Variants in DRC8 observed in about 807,000 individuals in gnomAD.
DRC8 encodes the protein dynein regulatory complex subunit 8, also known as dynein regulatory complex protein 8.
the DRC8 span, among the ~76,000 whole-genome samples, chr1:245,028,610 A>G: frequency 6.6e-6 from 1 of 152,192 alleles, no homozygotes; most frequent in East Asian, 1.9e-4. Flanking sequence ...GAGTTTGTTA[A>G]AGATGTGGGG....
chr1:244,970,189 G>A, the DRC8 span: 2 of 717,208 alleles, frequency 2.8e-6, no homozygotes, highest in Non-Finnish European at 5.0e-6. Flanking sequence ...GGGCCGGGTG[G>A]CAGACGGGGC....
At chr1:245,021,268 C>T in the DRC8 span, among the ~76,000 whole-genome samples, 6 of 151,878 alleles carry the variant, frequency 4.0e-5, no homozygotes, top group African/African-American at 7.3e-5. Context: ...ACGCTTTGAG[C>T]GCCTTGATAA....
the DRC8 span, among the ~76,000 whole-genome samples, chr1:245,085,181 A>G: frequency 6.6e-6 from 1 of 152,260 alleles, no homozygotes; most frequent in African/African-American, 2.4e-5. Context: ...TAAAACTAAC[A>G]TAAAATAATT....
chr1:245,050,005 C>T, the DRC8 span, among the ~76,000 whole-genome samples: 11 of 152,310 alleles, frequency 7.2e-5, no homozygotes, highest in South Asian at 1.0e-3. Context: ...GAGTCTGGCA[C>T]GCGTAATAAG....
the DRC8 span, chr1:245,083,533 A>C: frequency 4.4e-6 from 7 of 1,583,762 alleles, no homozygotes; most frequent in Non-Finnish European, 6.0e-6. Context: ...AAATACATTT[A>C]TTTACATACA....
chr1:245,020,088 CT>C, the DRC8 span, among the ~76,000 whole-genome samples: 1 of 152,302 alleles, frequency 6.6e-6, no homozygotes, highest in African/African-American at 2.4e-5. Flanking sequence ...TGTTCCTCCC[CT>C]AACTGCTTTA....
the DRC8 span, among the ~76,000 whole-genome samples, chr1:245,035,904 G>T: frequency 2.0e-5 from 3 of 150,280 alleles, no homozygotes; most frequent in South Asian, 6.3e-4. Flanking sequence ...GAAGATAAAA[G>T]ATCTCAATAA....
chr1:244,970,529 C>T, the DRC8 span: 393 of 1,479,020 alleles, frequency 2.7e-4, 6 homozygotes, highest in South Asian at 4.1e-3. Flanking sequence ...GGGGTGGGCC[C>T]TCGTCCATCT....
At chr1:245,004,732 A>G in the DRC8 span, among the ~76,000 whole-genome samples, 2 of 152,220 alleles carry the variant, frequency 1.3e-5, no homozygotes, top group Admixed American at 6.5e-5. Flanking sequence ...TGCTTATTCT[A>G]AGGGCACGCA....
At chr1:244,994,381 G>T in the DRC8 span, among the ~76,000 whole-genome samples, 1 of 152,126 alleles carries the variant, frequency 6.6e-6, no homozygotes, top group Non-Finnish European at 1.5e-5. Context: ...GAGATAAGCT[G>T]TTCTCTGTCT....
chr1:245,004,545 T>G, the DRC8 span, among the ~76,000 whole-genome samples: 1 of 152,108 alleles, frequency 6.6e-6, no homozygotes, highest in Non-Finnish European at 1.5e-5. Flanking sequence ...ACTCAGTGAA[T>G]TATATGTTTT....
chr1:245,059,155 T>C, the DRC8 span, among the ~76,000 whole-genome samples: 1 of 152,246 alleles, frequency 6.6e-6, no homozygotes, highest in Non-Finnish European at 1.5e-5. Context: ...TAGAACTTTT[T>C]TATATTGGCC....
At chr1:245,071,702 C>T in the DRC8 span, among the ~76,000 whole-genome samples, 1 of 152,126 alleles carries the variant, frequency 6.6e-6, no homozygotes, top group African/African-American at 2.4e-5. Flanking sequence ...TATACAAGCT[C>T]ATTGATCAGT....
chr1:244,995,608 C>T, the DRC8 span, among the ~76,000 whole-genome samples: 1 of 152,090 alleles, frequency 6.6e-6, no homozygotes, highest in Non-Finnish European at 1.5e-5. Flanking sequence ...ACCTCAGTCT[C>T]CCAAAGTGTG....
At chr1:245,000,684 G>A in the DRC8 span, among the ~76,000 whole-genome samples, 1 of 152,020 alleles carries the variant, frequency 6.6e-6, no homozygotes, top group African/African-American at 2.4e-5. Flanking sequence ...TGGAGGCTGA[G>A]GCAGGAGAAT....
the DRC8 span, chr1:245,123,904 C>CAT: frequency 0.032 from 4,791 of 149,200 alleles, 203 homozygotes; most frequent in African/African-American, 0.11. The surrounding 1 kb of genome is among the most constrained non-coding windows in gnomAD (Gnocchi z 5.0). Context: ...TTCTGTCTGT[C>CAT]ATATATATAT....
chr1:245,027,139 T>C, the DRC8 span, among the ~76,000 whole-genome samples: 4 of 152,346 alleles, frequency 2.6e-5, no homozygotes, highest in Admixed American at 2.6e-4. Context: ...CACTTTGTAG[T>C]TGCTTTGTTA....
At chr1:245,032,347 A>G in the DRC8 span, among the ~76,000 whole-genome samples, 19 of 152,336 alleles carry the variant, frequency 1.2e-4, no homozygotes, top group African/African-American at 4.6e-4. Flanking sequence ...CTGTAATTCA[A>G]GTAAGCTTTT....
At chr1:245,092,401 G>A in the DRC8 span, among the ~76,000 whole-genome samples, 18 of 152,200 alleles carry the variant, frequency 1.2e-4, no homozygotes, top group African/African-American at 4.3e-4. Context: ...ATCCTTCCAT[G>A]TAAGAAAGTA....
Sources: allele counts gnomAD v4.1 joint callset (sites outside exome capture counted in the v4.1 genomes callset), GRCh38; gene constraint gnomAD v4.1.1; non-coding constraint Gnocchi (gnomAD v3.1); transcripts MANE v1.5; gene names NCBI Gene and HGNC (gene_info 2026-07-23, HGNC 2026-07-21).